Variants in ADAMTSL1 observed in about 807,000 individuals in gnomAD.
ADAMTSL1 encodes the protein ADAMTS-like protein 1.
Under a neutral mutation model 201.8 loss-of-function variants are expected in ADAMTSL1, and 126 were observed. The ratio of observed to expected loss-of-function variants is 0.62; its 90% CI spans 0.54 to 0.72. The LOEUF (loss-of-function observed/expected upper bound fraction) is 0.72, where lower values mean the gene tolerates loss of function less well. ADAMTSL1 is among the 30% of genes least tolerant of loss of function. The probability of loss-of-function intolerance (pLI) is 0.00; values close to 1 mark genes in which losing one functional copy is unlikely to be tolerated. For synonymous variants in ADAMTSL1, 1,121 were observed against 903.4 expected (o/e 1.24, Z -4.32); for missense variants, 2,679 against 2,277.8 (o/e 1.18, Z -3.59).
chr9:17,929,249 A>C (rs12115754), intron 1 of ADAMTSL1, among the ~76,000 whole-genome samples: 1 of 151,940 alleles, frequency 6.6e-6, no homozygotes, highest in African/African-American at 2.4e-5. Flanking sequence ...CCGCCTTTAC[A>C]TCAGTATTTC....
intron 2 of ADAMTSL1, among the ~76,000 whole-genome samples, chr9:18,239,372 A>T (rs1742812590): frequency 6.6e-6 from 1 of 152,196 alleles, no homozygotes; most frequent in African/African-American, 2.4e-5. Context: ...ATTTATGGAA[A>T]TATTTTAAGT....
intron 2 of ADAMTSL1, among the ~76,000 whole-genome samples, chr9:18,454,913 A>T (rs1820545108): frequency 6.6e-6 from 1 of 152,164 alleles, no homozygotes; most frequent in Non-Finnish European, 1.5e-5. Flanking sequence ...TGTATATTCT[A>T]TTATTGCTCC....
intron 3 of ADAMTSL1, among the ~76,000 whole-genome samples, chr9:18,565,337 A>G (rs554008974): frequency 2.6e-4 from 39 of 152,296 alleles, no homozygotes; most frequent in African/African-American, 8.4e-4. Flanking sequence ...GTATAATTTC[A>G]CTGAGCATGA....
chr9:18,243,701 G>A (rs750624321), intron 2 of ADAMTSL1, among the ~76,000 whole-genome samples: 4 of 151,572 alleles, frequency 2.6e-5, no homozygotes, highest in Non-Finnish European at 4.4e-5. Context: ...ATGACATCTT[G>A]GTAAACATTT....
chr9:18,592,836 A>T (rs563695974), intron 4 of ADAMTSL1, among the ~76,000 whole-genome samples: 3 of 152,196 alleles, frequency 2.0e-5, no homozygotes, highest in Non-Finnish European at 4.4e-5. Context: ...AACAATATTG[A>T]TTCTTCCAAT....
At chr9:18,079,375 A>C (rs1823374965) in intron 1 of ADAMTSL1, among the ~76,000 whole-genome samples, 1 of 152,046 alleles carries the variant, frequency 6.6e-6, no homozygotes, top group Non-Finnish European at 1.5e-5. Context: ...TAACTTCTTT[A>C]ATTTTTTTAA....
chr9:18,756,866 G>A lies in ADAMTSL1; in HGVS notation c.2217+3358G>A, dbSNP rs551577018. Among the ~76,000 whole-genome samples the A allele has an allele frequency of 3.3e-5, 5 of 152,298 alleles. No homozygotes were observed. In the East Asian group the frequency reaches 9.6e-4, roughly 29 times the overall value. On this transcript the variant is annotated intron_variant, in intron 16 of 28. Transcript: ENST00000380548. ...ATGTGTATGTTTCTCTTTCTGGGGG[G>A]AAGAAAACATAAATTATGTAAATTG...
Position 18,777,659 on chromosome 9 carries a change from T to G in ADAMTSL1, c.3430T>G (p.Ser1144Ala). 3 of 1,613,630 alleles carry G rather than the reference T, an allele frequency of 1.9e-6. No homozygotes were observed. Among genetic ancestry groups the G allele is most frequent in the Non-Finnish European group, 2.5e-6 (3 of 1,179,836 alleles). ...PHKHVSGFSS[S>A]LRTSSTGDAG... ...TAAACACGTGTCTGGCTTCAGCAGC[T>G]CCCTGCGGACCTCCTCCACCGGGGA... The change falls in exon 19 of 29, where the codon TCC becomes GCC. Residue 1144 changes from serine to alanine, a missense_variant. Transcript: ENST00000380548.
intron 2 of ADAMTSL1, among the ~76,000 whole-genome samples, chr9:18,271,681 G>T (rs1832374461): frequency 6.6e-6 from 1 of 152,152 alleles, no homozygotes; most frequent in Non-Finnish European, 1.5e-5. Context: ...AATCCTTTGG[G>T]TATATACCCA....
At position 18,563,626 on chromosome 9, in the gene ADAMTSL1, C is replaced by T. The variant is rs61622882; in HGVS notation, c.238-10404C>T. The stretch of plus-strand genomic sequence containing the variant: ...GCCGCACCCACAGCCTCCCCTTCAC[C>T]CAGGTGCTCTGTCCCAGGGAGATGG... On this transcript the variant is annotated intron_variant, in intron 3 of 28. Transcript: ENST00000380548. Among the ~76,000 whole-genome samples, 1,447 of 152,334 alleles carry T rather than the reference C, an allele frequency of 9.5e-3. 30 individuals are homozygous for T. The highest frequency in any genetic ancestry group is 0.034 in the African/African-American group (1,396 of 41,582).
At chr9:18,792,510 T>G (rs1822125014) in intron 19 of ADAMTSL1, among the ~76,000 whole-genome samples, 1 of 152,222 alleles carries the variant, frequency 6.6e-6, no homozygotes, top group Non-Finnish European at 1.5e-5. Flanking sequence ...GGGAGCCAGC[T>G]ACCCTAATGG....
At chr9:18,774,792 G>A (rs1037328002) in intron 17 of ADAMTSL1, among the ~76,000 whole-genome samples, 1 of 152,106 alleles carries the variant, frequency 6.6e-6, no homozygotes, top group Non-Finnish European at 1.5e-5. Context: ...CCAGCTGATA[G>A]GTATTGGGTG....
At chr9:18,894,345 CTTTTT>C (rs56112949) in intron 26 of ADAMTSL1, among the ~76,000 whole-genome samples, 1 of 124,040 alleles carries the variant, frequency 8.1e-6, no homozygotes, top group Non-Finnish European at 1.6e-5. Context: ...AAAACCTTGT[CTTTTT>C]TTTTTTTTTT....
intron 2 of ADAMTSL1, among the ~76,000 whole-genome samples, chr9:18,406,351 T>G (rs1818206526): frequency 6.6e-6 from 1 of 151,704 alleles, no homozygotes; most frequent in Non-Finnish European, 1.5e-5. Flanking sequence ...TTTTTTGACA[T>G]GGACTCTCAC....
At position 18,768,803 on chromosome 9, in the gene ADAMTSL1, T is replaced by G. The variant is rs184827161; in HGVS notation, c.2218-1799T>G. ...GCTCCGGTGGGGTCCAAACAACCACTGGTCGTAACAGAGACCTCTCTGGGT... is the reference window on the plus strand; with the variant it reads ...GCTCCGGTGGGGTCCAAACAACCACGGGTCGTAACAGAGACCTCTCTGGGT... On this transcript the variant is annotated intron_variant, in intron 16 of 28. Coordinates refer to ENST00000380548, the MANE Select transcript of ADAMTSL1 (RefSeq NM_001040272.6). Among the ~76,000 whole-genome samples, 94 of 152,256 alleles carry G rather than the reference T, an allele frequency of 6.2e-4. 2 individuals are homozygous for G. The East Asian group carries it at 0.015, about 25-fold the overall frequency.
intron 2 of ADAMTSL1, among the ~76,000 whole-genome samples, chr9:18,394,294 T>TTTTAAAGTTTAAAAA (rs1429544678): frequency 6.6e-6 from 1 of 152,176 alleles, no homozygotes; most frequent in Non-Finnish European, 1.5e-5. Flanking sequence ...TTAAAGGCCA[T>TTTTAAAGTTTAAAAA]ATGCTTTAAA....
chr9:18,151,131 A>C (rs1826891411), intron 1 of ADAMTSL1, among the ~76,000 whole-genome samples: 1 of 152,042 alleles, frequency 6.6e-6, no homozygotes, highest in Admixed American at 6.6e-5. Context: ...CATAGATCCA[A>C]ATGTGTTTGA....
intron 13 of ADAMTSL1, among the ~76,000 whole-genome samples, chr9:18,701,515 C>T (rs914218558): frequency 6.6e-6 from 1 of 152,094 alleles, no homozygotes; most frequent in Non-Finnish European, 1.5e-5. Flanking sequence ...CCACTGTGCC[C>T]GATTTTAAAC....
At chr9:18,906,239 C>G (rs1830304973) in intron 27 of ADAMTSL1, among the ~76,000 whole-genome samples, 1 of 152,210 alleles carries the variant, frequency 6.6e-6, no homozygotes. Context: ...GCTCAAGCCC[C>G]TCACTCTTGT....
Sources: allele counts gnomAD v4.1 joint callset (sites outside exome capture counted in the v4.1 genomes callset), GRCh38; gene constraint gnomAD v4.1.1; transcripts MANE v1.5; gene names NCBI Gene and HGNC (gene_info 2026-07-23, HGNC 2026-07-21).